Variants in LANCL1 observed in about 807,000 individuals in gnomAD.
LANCL1 encodes glutathione S-transferase LANCL1.
In LANCL1, 50 loss-of-function variants were observed where a neutral mutation model predicts 50.6. The ratio of observed to expected loss-of-function variants is 0.99; its 90% CI spans 0.79 to 1.25. The LOEUF is 1.25. LANCL1 is among the 50% of genes most tolerant of loss of function. LANCL1 has a pLI of 0.00. For synonymous variants in LANCL1, 188 were observed against 178.6 expected (o/e 1.05, Z -0.42); for missense variants, 532 against 480.7 (o/e 1.11, Z -1.00).
At chr2:210,467,825 A>G (rs567869516) in intron 3 of LANCL1, among the ~76,000 whole-genome samples, 20 of 152,326 alleles carry the variant, frequency 1.3e-4, no homozygotes, top group African/African-American at 4.6e-4. Flanking sequence ...AGACAAATCT[A>G]GACACACCAT....
chr2:210,435,580 G>A, intron 8 of LANCL1, 121 bp from the exon 9 acceptor site: 1 of 740,104 alleles, frequency 1.4e-6, no homozygotes, highest in Admixed American at 2.1e-5. Flanking sequence ...ATCAGAGAAA[G>A]GAGATTAATG....
chr2:210,458,485 A>G (rs542160018), intron 3 of LANCL1, among the ~76,000 whole-genome samples: 3 of 152,334 alleles, frequency 2.0e-5, no homozygotes, highest in African/African-American at 7.2e-5. Context: ...AAGGGAGTGT[A>G]TGAAACAGTG....
At chr2:210,453,886 C>G (rs1028237706) in intron 4 of LANCL1, among the ~76,000 whole-genome samples, 1 of 152,022 alleles carries the variant, frequency 6.6e-6, no homozygotes, top group East Asian at 1.9e-4. Context: ...TTTGGTCGAG[C>G]TTGGTGACAG....
In LANCL1 at chr2:210,436,110, C is replaced by T. The variant is rs540830808; in HGVS notation, c.1050+106G>A. On this transcript the variant is annotated intron_variant, in intron 8 of 9. Transcript: ENST00000450366. ...TAGACCATGTTAGCCAGGCTGGTCT[C>T]GAACTCCTGACCTCAGGTGATCCGC... 172 of 936,002 alleles carry T rather than the reference C, an allele frequency of 1.8e-4. No homozygotes were observed. In the African/African-American group the frequency reaches 2.4e-3, roughly 13 times the overall value. 58.0% of individuals were successfully genotyped at this position (936,002 alleles called of 1,614,324 possible).
chr2:210,455,343 A>G (rs750714674), intron 3 of LANCL1, 29 bp from the exon 4 acceptor site: 5 of 1,553,462 alleles, frequency 3.2e-6, no homozygotes, highest in Non-Finnish European at 4.4e-6. Context: ...AACAATGTAA[A>G]GATGAGGAAA....
At chr2:210,450,103 G>GTCCA in intron 4 of LANCL1, among the ~76,000 whole-genome samples, 1 of 151,998 alleles carries the variant, frequency 6.6e-6, no homozygotes, top group South Asian at 2.1e-4. Context: ...TACTACAAGG[G>GTCCA]TCCATTAACC....
Position 210,472,017 on chromosome 2 carries a change from C to A in LANCL1, c.141G>T (p.Met47Ile). The part of the protein sequence containing the change: ...TNKIRELLQQ[M>I]ERGLKSADPR... Reference sequence around the variant, plus strand: ...GGTCTGCTGATTTCAGGCCTCTCTCCATTTGCTGAAGAAGCTCCCGAATCT... The same window carrying A: ...GGTCTGCTGATTTCAGGCCTCTCTCAATTTGCTGAAGAAGCTCCCGAATCT... Residue 47 changes from methionine (M) to isoleucine (I), a missense_variant, in exon 3 of 10, where the codon ATG becomes ATT. By Grantham distance (10) the Met-to-Ile change is conservative. Transcript: ENST00000450366. The A allele has an allele frequency of 6.2e-7, 1 of 1,614,158 alleles. No homozygotes were observed. Among genetic ancestry groups the A allele is most frequent in the Non-Finnish European group, 8.5e-7 (1 of 1,180,016 alleles).
At chr2:210,454,175 C>T (rs749515525) in intron 4 of LANCL1, among the ~76,000 whole-genome samples, 27 of 151,034 alleles carry the variant, frequency 1.8e-4, no homozygotes, top group Non-Finnish European at 3.7e-4. Context: ...AAGAAAATAT[C>T]ACTGCATGGG....
At chr2:210,473,979 A>G (rs1352175390) in intron 2 of LANCL1, among the ~76,000 whole-genome samples, 1 of 152,230 alleles carries the variant, frequency 6.6e-6, no homozygotes, top group Admixed American at 6.5e-5. Context: ...TATATAGATC[A>G]TATATAATTT....
intron 4 of LANCL1, among the ~76,000 whole-genome samples, chr2:210,442,987 C>T (rs1051713988): frequency 6.6e-6 from 1 of 152,166 alleles, no homozygotes; most frequent in Non-Finnish European, 1.5e-5. Flanking sequence ...GGGAAATTTC[C>T]CCACAGATTG....
rs1279745217 is a variant in LANCL1 at position 210,433,425 on chromosome 2, G to A, written c.*1062C>T. 1 of 152,156 alleles carries A rather than the reference G, an allele frequency of 6.6e-6. No individual in the cohort carries two copies. The highest frequency in any genetic ancestry group is 2.4e-5 in the African/African-American group (1 of 41,430). 9.4% of individuals were successfully genotyped at this position (152,156 alleles called of 1,614,324 possible). A position where few individuals can be genotyped will look rare whatever the true frequency, so the allele number is the denominator to read the frequency against. ...GTTTAGTGTTTTTGTTCAAGTTATT[G>A]GTTAGATAGTATTCCCTTTCTCATC... On this transcript the variant is annotated 3_prime_UTR_variant, in exon 10 of 10. Transcript: ENST00000450366.
intron 4 of LANCL1, among the ~76,000 whole-genome samples, chr2:210,454,858 G>C (rs567098214): frequency 6.6e-6 from 1 of 152,256 alleles, no homozygotes; most frequent in South Asian, 2.1e-4. Flanking sequence ...TAAGGCTTTC[G>C]ATCTCATTTA....
intron 3 of LANCL1, 109 bp downstream of exon 3, chr2:210,471,850 C>A (rs556129902): frequency 2.5e-6 from 2 of 806,464 alleles, no homozygotes; most frequent in Admixed American, 1.8e-5. Flanking sequence ...TACTCATATG[C>A]AGATGCAGGA....
Position 210,455,092 on chromosome 2 carries a change from T to C in LANCL1, c.407+15A>G, listed in dbSNP as rs755096221. 4 of 1,599,734 alleles carry C rather than the reference T, an allele frequency of 2.5e-6. No homozygotes were observed. Among genetic ancestry groups the C allele is most frequent in the South Asian group, 1.1e-5 (1 of 90,630 alleles). ...ATGATGCTAGAAAATAATCCTCATA[T>C]AGAAACATGATTACCGTGTGATGCA... On this transcript the variant is annotated intron_variant, in intron 4 of 9. Coordinates refer to ENST00000450366, the MANE Select transcript of LANCL1 (RefSeq NM_006055.3).
chr2:210,454,038 G>C (rs1693588494), intron 4 of LANCL1, among the ~76,000 whole-genome samples: 1 of 152,030 alleles, frequency 6.6e-6, no homozygotes, highest in Non-Finnish European at 1.5e-5. Context: ...TTTAAAAAAA[G>C]GTGTTTTGAA....
intron 4 of LANCL1, among the ~76,000 whole-genome samples, chr2:210,452,541 C>A (rs1268734568): frequency 6.6e-6 from 1 of 152,148 alleles, no homozygotes; most frequent in Non-Finnish European, 1.5e-5. Context: ...TGAACATACA[C>A]ACACACACCC....
intron 4 of LANCL1, among the ~76,000 whole-genome samples, chr2:210,447,203 T>C (rs939835394): frequency 6.6e-6 from 1 of 152,150 alleles, no homozygotes; most frequent in Non-Finnish European, 1.5e-5. Flanking sequence ...TATTCAACAT[T>C]CTTAAAAGAA....
upstream of LANCL1, among the ~76,000 whole-genome samples, chr2:210,477,185 C>T (rs945935163): frequency 6.8e-6 from 1 of 147,068 alleles, no homozygotes; most frequent in Non-Finnish European, 1.5e-5. Flanking sequence ...CCATCATTAA[C>T]AACAACAACA....
rs16844505 is a variant in LANCL1, at chr2:210,471,389, C to A, written c.199+570G>T. On this transcript the variant is annotated intron_variant, in intron 3 of 9. Transcript: ENST00000450366. ...TTCTCACCTTTTTTTGACATCAATG[C>A]ACTGTTTCTTCCTAAACCTCCTCCA... 9.0e-3 allele frequency: 3,185 copies of A among 353,062 alleles called. 65 individuals are homozygous for A. Among genetic ancestry groups the A allele is most frequent in the African/African-American group, 0.051 (2,396 of 46,542 alleles). The allele number at this position is 353,062 out of a possible 1,614,324, so 21.9% of individuals were successfully genotyped here. A position where few individuals can be genotyped will look rare whatever the true frequency, so the allele number is the denominator to read the frequency against.
Sources: allele counts gnomAD v4.1 joint callset (sites outside exome capture counted in the v4.1 genomes callset), GRCh38; gene constraint gnomAD v4.1.1; transcripts MANE v1.5; gene names NCBI Gene and HGNC (gene_info 2026-07-23, HGNC 2026-07-21).